Variants in FOXO3B observed in about 807,000 individuals in gnomAD.
FOXO3B encodes the protein forkhead box O3B.
FOXO3B carries 15 observed loss-of-function variants against 21.9 expected under a neutral mutation model. The ratio of observed to expected loss-of-function variants is 0.68; its 90% CI spans 0.46 to 1.05. The LOEUF (loss-of-function observed/expected upper bound fraction) is 1.05, where lower values mean the gene tolerates loss of function less well. FOXO3B is among the 50% of genes least tolerant of loss of function. FOXO3B has a pLI of 0.00. For missense variants in FOXO3B, 293 were observed against 435.5 expected (o/e 0.67, Z 2.91); for synonymous variants, 135 against 213.6 (o/e 0.63, Z 3.21).
intron 3 of FOXO3B, among the ~76,000 whole-genome samples, chr17:18,678,292 T>A (rs1033164848): frequency 1.3e-5 from 2 of 152,322 alleles, no homozygotes; most frequent in Middle Eastern, 3.4e-3. Context: ...ATATACAGAA[T>A]AGGCCATCAA....
chr17:18,672,474 C>A lies in FOXO3B; in HGVS notation c.708G>T (p.Ser236=). ...GGTTTCCCCAGGCGTTCCGCCGCGACGAACATTTCCTCGGCTGCCCGGAGC... is the reference window on the plus strand; with the variant it reads ...GGTTTCCCCAGGCGTTCCGCCGCGAAGAACATTTCCTCGGCTGCCCGGAGC... ...AGGSGQPRKC[S]SRRNAWGNLS... is the part of the protein sequence containing the mutation. Residue 236 remains serine (S), a synonymous_variant, in exon 4 of 4, where the codon TCG becomes TCT. Transcript: ENST00000395675. The surrounding 1 kb of genome is among the most constrained non-coding windows in gnomAD (Gnocchi z 4.2). The A allele has an allele frequency of 6.4e-7, 1 of 1,570,298 alleles. No individual in the cohort carries two copies. The highest frequency in any genetic ancestry group is 8.6e-7 in the Non-Finnish European group (1 of 1,158,038).
At chr17:18,675,038 G>A (rs1898802890) in intron 3 of FOXO3B, among the ~76,000 whole-genome samples, 1 of 152,080 alleles carries the variant, frequency 6.6e-6, no homozygotes, top group Non-Finnish European at 1.5e-5. Context: ...TCAAGTTTAT[G>A]ACTCCAGGTA....
At position 18,672,020 on chromosome 17, in the gene FOXO3B, G is replaced by C; in HGVS notation, c.*289C>G. 1 of 1,611,718 alleles carries C rather than the reference G, an allele frequency of 6.2e-7. No homozygotes were observed. ...GAACGGAAGTCCGTCCACGCATCCA[G>C]CTCATCACTGCTGCGTGACGTGGGG... is the stretch of plus-strand genomic sequence containing the variant. On this transcript the variant is annotated 3_prime_UTR_variant, in exon 4 of 4. Coordinates refer to ENST00000395675, the MANE Select transcript of FOXO3B (RefSeq NM_001368135.1). The surrounding 1 kb of genome is among the most constrained non-coding windows in gnomAD (Gnocchi z 4.2).
In FOXO3B at chr17:18,671,082, A is replaced by G. The variant is rs2032354670; in HGVS notation, c.*1227T>C. On this transcript the variant is annotated 3_prime_UTR_variant, in exon 4 of 4. Transcript: ENST00000395675. ...GTCACATTCCAAGCTCCCATTGAACATGTCCAGGTCCAAGTCGCTGGGGAA... is the reference window on the plus strand; with the variant it reads ...GTCACATTCCAAGCTCCCATTGAACGTGTCCAGGTCCAAGTCGCTGGGGAA... 1.0e-6 allele frequency: 1 copy of G among 971,020 alleles called. No individual in the cohort carries two copies. Among genetic ancestry groups the G allele is most frequent in the Non-Finnish European group, 1.6e-6 (1 of 614,964 alleles). The allele number at this position is 971,020 out of a possible 1,614,324, so 60.2% of individuals were successfully genotyped here. A position where few individuals can be genotyped will look rare whatever the true frequency, so the allele number is the denominator to read the frequency against.
At chr17:18,680,677 G>C in intron 3 of FOXO3B, 64 bp downstream of exon 3, 1 of 1,460,602 alleles carries the variant, frequency 6.8e-7, no homozygotes, top group Non-Finnish European at 9.4e-7. Flanking sequence ...ACATCACAAA[G>C]AAGGGAGTGC....
chr17:18,681,256 G>A, intron 2 of FOXO3B: 1 of 427,806 alleles, frequency 2.3e-6, no homozygotes, highest in Non-Finnish European at 4.3e-6. Context: ...GGAGGTCACA[G>A]CACAACCTTC....
At chr17:18,673,669 A>T (rs887452025) in intron 3 of FOXO3B, among the ~76,000 whole-genome samples, 3 of 151,988 alleles carry the variant, frequency 2.0e-5, no homozygotes, top group African/African-American at 7.3e-5. Context: ...GTAGACCTCC[A>T]GGATTTTGTC....
Position 18,670,960 on chromosome 17 carries a change from C to T in FOXO3B, c.*1349G>A, listed in dbSNP as rs577183997. On this transcript the variant is annotated 3_prime_UTR_variant, in exon 4 of 4. Transcript: ENST00000395675. ...TGCTTAGCACCAGTGAAGTTCCCCA[C>T]GTTCAAACCAACAACATTCTGTGTG... 1.8e-5 allele frequency: 25 copies of T among 1,368,708 alleles called. 1 individual carries two copies. Among genetic ancestry groups the T allele is most frequent in the Middle Eastern group, 4.0e-4 (2 of 4,948 alleles). 84.8% of individuals were successfully genotyped at this position (1,368,708 alleles called of 1,614,324 possible).
At chr17:18,674,675 G>T (rs534383953) in intron 3 of FOXO3B, among the ~76,000 whole-genome samples, 1 of 151,104 alleles carries the variant, frequency 6.6e-6, no homozygotes, top group Non-Finnish European at 1.5e-5. Context: ...GCAAATTTAG[G>T]GTTTCTCTCT....
chr17:18,673,027 C>T lies in FOXO3B; in HGVS notation c.155G>A (p.Ser52Asn). 1 of 1,456,918 alleles carries T rather than the reference C, an allele frequency of 6.9e-7. No homozygotes were observed. Among genetic ancestry groups the T allele is most frequent in the South Asian group, 1.3e-5 (1 of 78,948 alleles). The allele number at this position is 1,456,918 out of a possible 1,614,324, so 90.2% of individuals were successfully genotyped here. A position where few individuals can be genotyped will look rare whatever the true frequency, so the allele number is the denominator to read the frequency against. The change falls in exon 4 of 4, where the codon AGC becomes AAC. Residue 52 changes from serine to asparagine, a missense_variant. Around this residue, in one of 2 missense-constraint regions of FOXO3B, gnomAD observed 251 missense variants for 404.0 expected, o/e 0.62. Coordinates refer to ENST00000395675, the MANE Select transcript of FOXO3B (RefSeq NM_001368135.1). The part of the protein sequence containing the change: ...QAAAAAAAPG[S>N]RSLRGVHVPP... ...GACGTGGACGCCGCGAAGGCTCCGG[C>T]TCCCGGGCGCCGCCGCCGCCGCCGC...
At chr17:18,677,262 G>A (rs1179825277) in intron 3 of FOXO3B, 3 of 1,610,674 alleles carry the variant, frequency 1.9e-6, no homozygotes, top group Non-Finnish European at 2.5e-6. Flanking sequence ...ATGTATACAA[G>A]GTCTGTTCCG....
chr17:18,680,080 C>G (rs1054853116), intron 3 of FOXO3B, among the ~76,000 whole-genome samples: 1 of 152,200 alleles, frequency 6.6e-6, no homozygotes. Flanking sequence ...ACCTAGTCAT[C>G]TACCTGCCTT....
rs2032372752 is a variant in FOXO3B at position 18,671,888 on chromosome 17, G to C, written c.*421C>G. On this transcript the variant is annotated 3_prime_UTR_variant, in exon 4 of 4. Coordinates refer to ENST00000395675, the MANE Select transcript of FOXO3B (RefSeq NM_001368135.1). ...GACAGGCTCGCTGAGCTGCTGTAGA[G>C]CATGGGCGAGAGAGGCGCATCGTCG... 4 of 1,613,388 alleles carry C rather than the reference G, an allele frequency of 2.5e-6. No homozygotes were observed. The African/African-American group carries it at 5.3e-5, about 22-fold the overall frequency.
chr17:18,671,909 C>T lies in FOXO3B; in HGVS notation c.*400G>A, dbSNP rs1273671347. 29 of 1,613,564 alleles carry T rather than the reference C, an allele frequency of 1.8e-5. No homozygotes were observed. Among genetic ancestry groups the T allele is most frequent in the Non-Finnish European group, 2.3e-5 (27 of 1,179,736 alleles). ...TAGAGCATGGGCGAGAGAGGCGCATCGTCGTCCTGGACTTCATCCAACTCT... is the reference window on the plus strand; with the variant it reads ...TAGAGCATGGGCGAGAGAGGCGCATTGTCGTCCTGGACTTCATCCAACTCT... On this transcript the variant is annotated 3_prime_UTR_variant, in exon 4 of 4. Transcript: ENST00000395675.
rs2032303198 is a variant in FOXO3B, at chr17:18,668,228, T to C, written c.*4081A>G. 1 of 152,182 alleles carries C rather than the reference T, an allele frequency of 6.6e-6. No homozygotes were observed. The highest frequency in any genetic ancestry group is 1.5e-5 in the Non-Finnish European group (1 of 68,060). 9.4% of individuals were successfully genotyped at this position (152,182 alleles called of 1,614,324 possible). ...TCGCAGTACTGATGCTGCACTTGAC[T>C]TTACCCTGGTCTCAGCTCTCCACGA... On this transcript the variant is annotated 3_prime_UTR_variant, in exon 4 of 4. Transcript: ENST00000395675.
intron 3 of FOXO3B, among the ~76,000 whole-genome samples, chr17:18,678,075 T>G (rs1361359183): frequency 6.6e-6 from 1 of 152,036 alleles, no homozygotes; most frequent in Non-Finnish European, 1.5e-5. Context: ...CAGTGGAGAT[T>G]AAGTGCCCAA....
chr17:18,678,605 T>A (rs1349977814), intron 3 of FOXO3B, among the ~76,000 whole-genome samples: 1 of 152,126 alleles, frequency 6.6e-6, no homozygotes, highest in Non-Finnish European at 1.5e-5. Context: ...TATTGCATTT[T>A]AAAAATCTAA....
rs546710973 is a variant in FOXO3B at position 18,677,524 on chromosome 17, C to T, written c.126+3217G>A. ...CTCTTGGAGAACTACGAGGAGTATG[C>T]GGCTCGGGCCCGTCTGCTCACAGAG... is the stretch of plus-strand genomic sequence containing the variant. On this transcript the variant is annotated intron_variant, in intron 3 of 3. Transcript: ENST00000395675. The T allele has an allele frequency of 2.0e-4, 330 of 1,612,392 alleles. 3 individuals are homozygous for T. In the South Asian group the frequency reaches 3.5e-3, roughly 17 times the overall value.
chr17:18,670,808 C>T lies in FOXO3B; in HGVS notation c.*1501G>A. The stretch of plus-strand genomic sequence containing the variant: ...TTAAGCTGTAAACGGTATCACTGTC[C>T]ACTTGCTGAGAGCAGATTTGGCAAA... On this transcript the variant is annotated 3_prime_UTR_variant, in exon 4 of 4. Coordinates refer to ENST00000395675, the MANE Select transcript of FOXO3B (RefSeq NM_001368135.1). 7.9e-7 allele frequency: 1 copy of T among 1,268,296 alleles called. No individual in the cohort carries two copies. Among genetic ancestry groups the T allele is most frequent in the Non-Finnish European group, 1.1e-6 (1 of 899,268 alleles). The allele number at this position is 1,268,296 out of a possible 1,614,324, so 78.6% of individuals were successfully genotyped here.
Sources: gnomAD v4.1 joint callset for allele counts (sites outside exome capture counted in the v4.1 genomes callset) on GRCh38, gnomAD v4.1.1 for gene constraint, gnomAD v4.1.1 regional missense constraint, Gnocchi (gnomAD v3.1) non-coding constraint, MANE v1.5 for transcripts, NCBI Gene and HGNC (gene_info 2026-07-23, HGNC 2026-07-21) for gene names.